ALG8: variants seen among roughly 807,000 people sequenced by gnomAD.
ALG8 encodes the protein dolichyl pyrophosphate Glc1Man9GlcNAc2 alpha-1,3-glucosyltransferase.
A neutral mutation model predicts 70.2 loss-of-function variants in ALG8; 48 were observed. That is an observed-to-expected ratio of 0.68 (90% CI 0.54 to 0.87). The LOEUF (loss-of-function observed/expected upper bound fraction) is 0.87. ALG8 is among the 40% of genes least tolerant of loss of function. The pLI, the probability that ALG8 is intolerant of heterozygous loss-of-function variation, is 0.00. For missense variants in ALG8, 572 were observed against 608.7 expected, an observed-to-expected ratio of 0.94 and a Z score of 0.64; for synonymous variants, 234 against 229.0, an observed-to-expected ratio of 1.02 and a Z score of -0.20.
chr11:78,114,011 A>G lies in ALG8; in HGVS notation c.674-22T>C, dbSNP rs533514438. 5 of 1,571,880 alleles carry G rather than the reference A, an allele frequency of 3.2e-6. No homozygotes were observed. The Admixed American group carries it at 9.1e-5, about 29-fold the overall frequency. Reference sequence around the variant, plus strand: ...CCATCTACAGAAAAGGAACATTATCAGTAACCAGGAAGATGGAAAGGAACA... The same window carrying G: ...CCATCTACAGAAAAGGAACATTATCGGTAACCAGGAAGATGGAAAGGAACA... On this transcript the variant is annotated intron_variant, in intron 6 of 12. Transcript: ENST00000299626.
intron 4 of ALG8, among the ~76,000 whole-genome samples, chr11:78,119,616 A>G (rs1212510576): frequency 6.6e-6 from 1 of 152,070 alleles, no homozygotes; most frequent in Non-Finnish European, 1.5e-5. Flanking sequence ...CTTTTAGTAG[A>G]GACGGGGTTT....
At chr11:78,123,315 G>GAAAAAAAAAAAAAAAA (rs1220218900) in intron 3 of ALG8, among the ~76,000 whole-genome samples, 138 of 88,282 alleles carry the variant, frequency 1.6e-3, no homozygotes, top group Admixed American at 1.9e-3. Flanking sequence ...GGAAAAAAAA[G>GAAAAAAAAAAAAAAAA]AAAAAAAAAA....
intron 5 of ALG8, chr11:78,114,810 TAAA>T: frequency 2.8e-6 from 1 of 352,386 alleles, no homozygotes; most frequent in Non-Finnish European, 5.5e-6. Context: ...TACAAAAAAA[TAAA>T]AAATAAAAAA....
Position 78,131,122 on chromosome 11 carries a change from T to C in ALG8, c.96-3686A>G, listed in dbSNP as rs113304241. ...CAGTCTCTTTTTTGGGTGCTTTATT[T>C]TGTTGTTTCCTATTCAAAACTGTTG... On this transcript the variant is annotated intron_variant, in intron 1 of 12. Coordinates refer to ENST00000299626, the MANE Select transcript of ALG8 (RefSeq NM_024079.5). Among the ~76,000 whole-genome samples, 1,038 of 152,326 alleles carry C rather than the reference T, an allele frequency of 6.8e-3. 7 individuals are homozygous for C. Among genetic ancestry groups the C allele is most frequent in the African/African-American group, 0.024 (1,003 of 41,568 alleles).
At chr11:78,116,277 C>CGTGAGGTGGAGGTTGCA (rs1025728651) in intron 5 of ALG8, among the ~76,000 whole-genome samples, 40 of 152,028 alleles carry the variant, frequency 2.6e-4, no homozygotes, top group Admixed American at 3.9e-4. Flanking sequence ...ACGAGAATCA[C>CGTGAGGTGGAGGTTGCA]GTGAGGTGGA....
intron 5 of ALG8, 56 bp from the exon 6 acceptor site, chr11:78,114,448 T>G: frequency 1.3e-6 from 2 of 1,594,720 alleles, no homozygotes; most frequent in Non-Finnish European, 1.7e-6. Flanking sequence ...TGAAATGCAA[T>G]AATGTGGTAT....
chr11:78,130,361 A>AAAAGAAAAGAAAAGAAAAAAAAG (rs1555073942), intron 1 of ALG8, among the ~76,000 whole-genome samples: 9 of 132,702 alleles, frequency 6.8e-5, no homozygotes, highest in African/African-American at 2.8e-4. Flanking sequence ...AAAAAAAAAA[A>AAAAGAAAAGAAAAGAAAAAAAAG]AAAAAAGGTG....
chr11:78,132,534 T>C (rs1861347882), intron 1 of ALG8, among the ~76,000 whole-genome samples: 1 of 152,234 alleles, frequency 6.6e-6, no homozygotes, highest in African/African-American at 2.4e-5. Flanking sequence ...GGTGCCTATC[T>C]TTCCAATTTC....
intron 1 of ALG8, among the ~76,000 whole-genome samples, chr11:78,129,815 T>C (rs1590838790): frequency 6.6e-6 from 1 of 152,192 alleles, no homozygotes; most frequent in African/African-American, 2.4e-5. Context: ...CATAAACATA[T>C]AGCTCTTTGT....
intron 2 of ALG8, among the ~76,000 whole-genome samples, chr11:78,125,751 G>C (rs903929578): frequency 6.6e-6 from 1 of 152,116 alleles, no homozygotes; most frequent in Non-Finnish European, 1.5e-5. Flanking sequence ...GAGGTCGCCA[G>C]TCAGCCGAGA....
chr11:78,137,859 T>C (rs1185207627), intron 1 of ALG8, among the ~76,000 whole-genome samples: 3 of 152,118 alleles, frequency 2.0e-5, no homozygotes, highest in Admixed American at 6.5e-5. Flanking sequence ...AATGAGCACA[T>C]GATGTTAGAA....
intron 1 of ALG8, 178 bp downstream of exon 1, chr11:78,139,316 G>T: frequency 1.5e-6 from 1 of 668,578 alleles, no homozygotes; most frequent in Non-Finnish European, 2.6e-6. Context: ...TCTGAACCTA[G>T]CCAGCTGGGG....
At chr11:78,108,202 C>T (rs938659445) in intron 9 of ALG8, among the ~76,000 whole-genome samples, 2 of 152,162 alleles carry the variant, frequency 1.3e-5, no homozygotes, top group African/African-American at 2.4e-5. Flanking sequence ...ATCGCTTGAA[C>T]CCAGGAGGTG....
rs143411231 is a variant in ALG8 at position 78,115,344 on chromosome 11, A to G, written c.547-952T>C. On this transcript the variant is annotated intron_variant, in intron 5 of 12. Transcript: ENST00000299626. ...CCGCCATGCTTGGCCCAAGGTAAATATTCTATAACCAGTATAAGGAAAACA... is the reference window on the plus strand; with the variant it reads ...CCGCCATGCTTGGCCCAAGGTAAATGTTCTATAACCAGTATAAGGAAAACA... Among the ~76,000 whole-genome samples, 507 of 150,924 alleles carry G rather than the reference A, an allele frequency of 3.4e-3. 5 individuals are homozygous for G. Among genetic ancestry groups the G allele is most frequent in the African/African-American group, 0.012 (488 of 41,124 alleles).
chr11:78,121,967 C>T (rs961927923), intron 3 of ALG8, among the ~76,000 whole-genome samples: 7 of 152,078 alleles, frequency 4.6e-5, no homozygotes, highest in East Asian at 1.9e-4. Context: ...AAATTATATT[C>T]GAACACAGAA....
intron 1 of ALG8, among the ~76,000 whole-genome samples, chr11:78,130,782 A>G (rs1346051325): frequency 6.6e-6 from 1 of 151,910 alleles, no homozygotes; most frequent in Non-Finnish European, 1.5e-5. Context: ...AGCTCTGGGA[A>G]ATTTATTATT....
intron 1 of ALG8, among the ~76,000 whole-genome samples, chr11:78,132,602 T>C (rs660661): frequency 0.14 from 21,826 of 152,088 alleles, 1,682 homozygotes; most frequent in East Asian, 0.28. Flanking sequence ...GGCCTTATCA[T>C]AGCTGCCCAA....
intron 9 of ALG8, among the ~76,000 whole-genome samples, chr11:78,107,261 C>T (rs1860083352): frequency 6.8e-6 from 1 of 147,126 alleles, no homozygotes; most frequent in Non-Finnish European, 1.5e-5. Context: ...CGCTTTGTTG[C>T]CAAGGCTGGA....
rs142589756 is a variant in ALG8, at chr11:78,139,414, G to A, written c.95+80C>T. 4.4e-3 allele frequency: 5,894 copies of A among 1,346,082 alleles called. 185 individuals are homozygous for A. The Admixed American group carries it at 0.069, about 16-fold the overall frequency. 83.4% of individuals were successfully genotyped at this position (1,346,082 alleles called of 1,614,324 possible). A position where few individuals can be genotyped will look rare whatever the true frequency, so the allele number is the denominator to read the frequency against. The stretch of plus-strand genomic sequence containing the variant: ...ACCTAAAGTTTTCTCTTCATACCCA[G>A]GGATATCCACACCTTTCTCTCCCGC... On this transcript the variant is annotated intron_variant, in intron 1 of 12. Coordinates refer to ENST00000299626, the MANE Select transcript of ALG8 (RefSeq NM_024079.5).
Sources: gnomAD v4.1 joint callset for allele counts (sites outside exome capture counted in the v4.1 genomes callset) on GRCh38, gnomAD v4.1.1 for gene constraint, MANE v1.5 for transcripts, NCBI Gene and HGNC (gene_info 2026-07-23, HGNC 2026-07-21) for gene names.